Variants in SAMD4A observed in about 807,000 individuals in gnomAD.
The protein encoded by SAMD4A is protein Smaug homolog 1.
A neutral mutation model predicts 81.3 loss-of-function variants in SAMD4A; 33 were observed. The ratio of observed to expected loss-of-function variants is 0.41; its 90% confidence interval spans 0.31 to 0.54. The LOEUF (loss-of-function observed/expected upper bound fraction) is 0.54, where lower values mean the gene tolerates loss of function less well. SAMD4A is among the 20% of genes least tolerant of loss of function. The pLI, the probability that SAMD4A is intolerant of heterozygous loss-of-function variation, is 0.37. For missense variants in SAMD4A, 854 were observed against 951.1 expected (o/e 0.90, Z 1.34); for synonymous variants, 389 against 382.1 (o/e 1.02, Z -0.21).
At chr14:54,776,621 T>G (rs993412170) in intron 11 of SAMD4A, 81 bp downstream of exon 11, 25 of 1,388,608 alleles carry the variant, frequency 1.8e-5, no homozygotes, top group Non-Finnish European at 2.4e-5. Context: ...CAGAAAGTGC[T>G]TAGCCTCGAC....
chr14:54,723,245 C>G (rs1045572449), intron 3 of SAMD4A, among the ~76,000 whole-genome samples: 1 of 152,056 alleles, frequency 6.6e-6, no homozygotes, highest in South Asian at 2.1e-4. Context: ...ACAGCAGAAC[C>G]GTAAGCTTTG....
chr14:54,654,097 GT>G (rs1478951201), intron 2 of SAMD4A, among the ~76,000 whole-genome samples: 19 of 152,206 alleles, frequency 1.2e-4, no homozygotes, highest in Admixed American at 2.6e-4. Context: ...CAGGAATTAT[GT>G]TTTGCTCCAA....
chr14:54,676,237 G>T (rs759875169), intron 2 of SAMD4A, among the ~76,000 whole-genome samples: 1 of 152,058 alleles, frequency 6.6e-6, no homozygotes, highest in Non-Finnish European at 1.5e-5. Flanking sequence ...AGTGCCTTTG[G>T]CGTATTCAGA....
chr14:54,666,301 G>C (rs2035755329), intron 2 of SAMD4A, among the ~76,000 whole-genome samples: 1 of 152,190 alleles, frequency 6.6e-6, no homozygotes, highest in African/African-American at 2.4e-5. Flanking sequence ...TTAGTGGCCT[G>C]ATATTCCTCA....
chr14:54,624,139 T>C (rs2034689841), intron 2 of SAMD4A, among the ~76,000 whole-genome samples: 1 of 150,854 alleles, frequency 6.6e-6, no homozygotes, highest in Non-Finnish European at 1.5e-5. Flanking sequence ...CGCGCCCGTC[T>C]AATTTTTGTA....
chr14:54,770,862 G>A (rs985756225), intron 9 of SAMD4A, among the ~76,000 whole-genome samples: 1 of 152,082 alleles, frequency 6.6e-6, no homozygotes, highest in Non-Finnish European at 1.5e-5. Context: ...CAATTTGTGG[G>A]AGAAATTAAG....
chr14:54,779,914 C>T (rs139070525), intron 11 of SAMD4A, among the ~76,000 whole-genome samples: 1 of 152,248 alleles, frequency 6.6e-6, no homozygotes, highest in East Asian at 1.9e-4. Context: ...GGTCACGTTC[C>T]TCATGGAGGC....
rs891462297 is a variant in SAMD4A, at chr14:54,610,372, C to T, written c.196+42260C>T. Among the ~76,000 whole-genome samples the T allele has an allele frequency of 1.2e-4, 19 of 152,308 alleles. 1 individual carries two copies. The highest frequency in any genetic ancestry group is 3.4e-3 in the Middle Eastern group (1 of 294). On this transcript the variant is annotated intron_variant, in intron 2 of 12. Coordinates refer to ENST00000554335, the MANE Select transcript of SAMD4A (RefSeq NM_015589.6). The stretch of plus-strand genomic sequence containing the variant: ...CGAAAAGCAACTCCAGGCCCCGGAG[C>T]TCACAGAGTGCCCATTATAGTCGTC...
Position 54,657,554 on chromosome 14 carries a change from A to T in SAMD4A, c.197-44508A>T, listed in dbSNP as rs1304971856. ...TAGGCTAGAAGCACTGACTGTTTCC[A>T]GCTTTGCAGTCAAGGTTTTCTACTA... is the stretch of plus-strand genomic sequence containing the variant. On this transcript the variant is annotated intron_variant, in intron 2 of 12. Transcript: ENST00000554335. Among the ~76,000 whole-genome samples, 3 of 152,216 alleles carry T rather than the reference A, an allele frequency of 2.0e-5. No individual in the cohort carries two copies. The South Asian group carries it at 6.2e-4, about 32-fold the overall frequency.
upstream of SAMD4A, among the ~76,000 whole-genome samples, chr14:54,566,849 G>C (rs1380895065): frequency 6.6e-6 from 1 of 152,078 alleles, no homozygotes; most frequent in African/African-American, 2.4e-5. Context: ...CGGCGCGGGG[G>C]AGCCGGGGCT....
At chr14:54,778,325 C>A (rs556172460) in intron 11 of SAMD4A, among the ~76,000 whole-genome samples, 8 of 152,200 alleles carry the variant, frequency 5.3e-5, no homozygotes, top group African/African-American at 1.7e-4. Flanking sequence ...TTGATAGAAT[C>A]TTCCACCTAT....
At chr14:54,720,649 C>T (rs1038688013) in intron 3 of SAMD4A, among the ~76,000 whole-genome samples, 48 of 152,278 alleles carry the variant, frequency 3.2e-4, no homozygotes, top group African/African-American at 1.2e-3. Flanking sequence ...CCTTGCTGAG[C>T]AGGGTAGAAG....
At chr14:54,738,632 A>G (rs2037759873) in intron 4 of SAMD4A, among the ~76,000 whole-genome samples, 1 of 152,138 alleles carries the variant, frequency 6.6e-6, no homozygotes. Flanking sequence ...CTGTATCACA[A>G]TTTTGGAGCA....
intron 2 of SAMD4A, among the ~76,000 whole-genome samples, chr14:54,649,958 G>A (rs937921003): frequency 3.9e-5 from 6 of 152,058 alleles, no homozygotes; most frequent in African/African-American, 1.4e-4. Context: ...TTAGGCATTG[G>A]AATGTTTACT....
intron 12 of SAMD4A, among the ~76,000 whole-genome samples, chr14:54,786,398 T>C (rs753877721): frequency 2.1e-4 from 32 of 152,240 alleles, no homozygotes; most frequent in Non-Finnish European, 2.1e-4. Context: ...TTTGCAAATA[T>C]ACTAAAAACC....
intron 2 of SAMD4A, among the ~76,000 whole-genome samples, chr14:54,580,982 G>A (rs190505788): frequency 2.0e-5 from 3 of 152,314 alleles, no homozygotes; most frequent in East Asian, 1.9e-4. Flanking sequence ...GAATCCTCAC[G>A]CTGTTACCAA....
chr14:54,773,528 C>G (rs907205371), intron 9 of SAMD4A, among the ~76,000 whole-genome samples: 1 of 152,242 alleles, frequency 6.6e-6, no homozygotes, highest in Non-Finnish European at 1.5e-5. Flanking sequence ...CCTCCCGGAC[C>G]TGAGGCGTGT....
At chr14:54,742,067 G>A (rs2037857535) in intron 4 of SAMD4A, among the ~76,000 whole-genome samples, 1 of 152,164 alleles carries the variant, frequency 6.6e-6, no homozygotes. Flanking sequence ...GGAAGGGACA[G>A]AGGATTCCAG....
intron 2 of SAMD4A, chr14:54,682,113 A>C: frequency 1.0e-6 from 1 of 953,056 alleles, no homozygotes; most frequent in Non-Finnish European, 1.2e-6. Flanking sequence ...TTCTTATCCC[A>C]CAATGTTTGG....
Sources: allele counts gnomAD v4.1 joint callset (sites outside exome capture counted in the v4.1 genomes callset), GRCh38; gene constraint gnomAD v4.1.1; transcripts MANE v1.5; gene names NCBI Gene and HGNC (gene_info 2026-07-23, HGNC 2026-07-21).